BEND3: variants seen among roughly 807,000 people sequenced by gnomAD.
BEND3 encodes the protein BEN domain containing 3.
Under a neutral mutation model 60.1 loss-of-function variants are expected in BEND3, and 13 were observed. That is an observed-to-expected ratio of 0.22 (90% CI 0.14 to 0.34). BEND3 has a LOEUF of 0.34. Ranked by LOEUF, BEND3 falls within the 10% of genes least tolerant of loss-of-function variation. The pLI, the probability that BEND3 is intolerant of heterozygous loss-of-function variation, is 1.00. For missense variants in BEND3, 896 were observed against 1,138.1 expected (o/e 0.79, Z 3.06); for synonymous variants, 497 against 491.5 (o/e 1.01, Z -0.15).
intron 3 of BEND3, among the ~76,000 whole-genome samples, chr6:107,083,095 C>T (rs1188404167): frequency 6.6e-6 from 1 of 152,074 alleles, no homozygotes; most frequent in Non-Finnish European, 1.5e-5. Flanking sequence ...ATATCAATCA[C>T]AAAGGAAAAG....
intron 3 of BEND3, among the ~76,000 whole-genome samples, chr6:107,071,379 G>A (rs1305516747): frequency 6.8e-5 from 10 of 146,884 alleles, no homozygotes; most frequent in African/African-American, 2.4e-4. Context: ...CTGCTCTCAG[G>A]AAGGGACAGA....
In BEND3 at chr6:107,070,360, C is replaced by T. The variant is rs781955775; in HGVS notation, c.831G>A (p.Glu277=). The change falls in exon 4 of 4, where the codon GAG becomes GAA. Residue 277 remains glutamate (E), a synonymous_variant. Coordinates refer to ENST00000369042, the MANE Select transcript of BEND3 (RefSeq NM_001367314.1). The surrounding 1 kb of genome is among the most constrained non-coding windows in gnomAD (Gnocchi z 6.9). ...GGGAGAAGTCCACGTCGCTGAAGAG[C>T]TCGGGGAAGAGCTGCACCAGCAAGC... The part of the protein sequence containing the change: ...ACRLLVQLFP[E]LFSDVDFSRG... The T allele has an allele frequency of 5.6e-6, 9 of 1,613,526 alleles. No individual in the cohort carries two copies. The highest frequency in any genetic ancestry group is 3.3e-5 in the South Asian group (3 of 91,086).
chr6:107,073,191 GTA>G (rs1410021934), intron 3 of BEND3, among the ~76,000 whole-genome samples: 3 of 36,660 alleles, frequency 8.2e-5, no homozygotes, highest in Admixed American at 3.0e-4. Flanking sequence ...TTCAGGGTTT[GTA>G]TGTGTATGTA....
At chr6:107,092,017 G>C (rs879975026) in intron 3 of BEND3, among the ~76,000 whole-genome samples, 1 of 152,170 alleles carries the variant, frequency 6.6e-6, no homozygotes. Context: ...AGCACTTTGG[G>C]AGGCAGAGGT....
At chr6:107,107,947 G>A (rs1019191973) in intron 1 of BEND3, among the ~76,000 whole-genome samples, 4 of 152,314 alleles carry the variant, frequency 2.6e-5, no homozygotes, top group Admixed American at 1.3e-4. Context: ...CTCTGGTGCC[G>A]CGGGTCTCTG....
In BEND3 at chr6:107,070,036, G is replaced by C; in HGVS notation, c.1155C>G (p.Thr385=). ...EEALSLDRSS[T]IASDHVVDTQ... ...TGTCCACCACGTGGTCTGAGGCGAT[G>C]GTGCTGCTCCGGTCAAGAGACAGGG... The change falls in exon 4 of 4, where the codon ACC becomes ACG. Residue 385 remains threonine (T), a synonymous_variant. Transcript: ENST00000369042. The surrounding 1 kb of genome is among the most constrained non-coding windows in gnomAD (Gnocchi z 6.9). 1 of 1,613,828 alleles carries C rather than the reference G, an allele frequency of 6.2e-7. No individual in the cohort carries two copies. The highest frequency in any genetic ancestry group is 8.5e-7 in the Non-Finnish European group (1 of 1,180,034).
In BEND3 at chr6:107,068,938, G is replaced by C. The variant is rs1774890853; in HGVS notation, c.2253C>G (p.Leu751=). The C allele has an allele frequency of 3.1e-6, 5 of 1,613,986 alleles. No individual in the cohort carries two copies. Among genetic ancestry groups the C allele is most frequent in the Non-Finnish European group, 4.2e-6 (5 of 1,180,036 alleles). Reference sequence around the variant, plus strand: ...GCAGCCGGAGGTTCTCGGCGGTGAAGAGTTCGGGAAACAGGCGGACGAGGA... The same window carrying C: ...GCAGCCGGAGGTTCTCGGCGGTGAACAGTTCGGGAAACAGGCGGACGAGGA... ...ARLLVRLFPE[L]FTAENLRLQY... Residue 751 remains leucine (L), a synonymous_variant, in exon 4 of 4, where the codon CTC becomes CTG. Transcript: ENST00000369042. This position sits in a 1 kb window ranked among gnomAD's most constrained non-coding sequence, Gnocchi z 5.8.
intron 3 of BEND3, among the ~76,000 whole-genome samples, chr6:107,088,987 A>C (rs1775413661): frequency 6.6e-6 from 1 of 152,108 alleles, no homozygotes; most frequent in African/African-American, 2.4e-5. Context: ...CTCTACTAAA[A>C]ATACAAAACT....
In BEND3 at chr6:107,104,738, G is replaced by C. The variant is rs544470505; in HGVS notation, c.-11-5442C>G. ...GGCTGCAGTGCAGTGGTATGATCGT[G>C]TCTTACTGCAGCCTTAACCTCCTGG... On this transcript the variant is annotated intron_variant, in intron 1 of 3. Coordinates refer to ENST00000369042, the MANE Select transcript of BEND3 (RefSeq NM_001367314.1). 7.3e-5 allele frequency among the ~76,000 whole-genome samples: 11 copies of C among 151,148 alleles called. 1 individual carries two copies. In the South Asian group the frequency reaches 2.3e-3, roughly 32 times the overall value.
At position 107,068,697 on chromosome 6, in the gene BEND3, C is replaced by T. The variant is rs781827173; in HGVS notation, c.*7G>A. ...TGACCCCGAATCTCTGGGCAGGTCA[C>T]GGGCCTTCACTTCTCCACTTTCTTT... On this transcript the variant is annotated 3_prime_UTR_variant, in exon 4 of 4. Transcript: ENST00000369042. This position sits in a 1 kb window ranked among gnomAD's most constrained non-coding sequence, Gnocchi z 5.8. 3.0e-5 allele frequency: 49 copies of T among 1,609,378 alleles called. No individual in the cohort carries two copies. In the South Asian group the frequency reaches 3.7e-4, roughly 12 times the overall value.
rs1403705991 is a variant in BEND3 at position 107,069,571 on chromosome 6, C to T, written c.1620G>A (p.Glu540=). The part of the protein sequence containing the change: ...WLVPIDFDKL[E]IPQPDFEVPG... ...GCACCTCGAAGTCAGGCTGGGGGAT[C>T]TCTAACTTGTCGAAGTCGATGGGCA... The change falls in exon 4 of 4, where the codon GAG becomes GAA. Residue 540 remains glutamate (E), a synonymous_variant. Coordinates refer to ENST00000369042, the MANE Select transcript of BEND3 (RefSeq NM_001367314.1). The T allele has an allele frequency of 6.2e-7, 1 of 1,613,122 alleles. No homozygotes were observed. The highest frequency in any genetic ancestry group is 2.2e-5 in the East Asian group (1 of 44,880).
At position 107,091,497 on chromosome 6, in the gene BEND3, T is replaced by C. The variant is rs532190384; in HGVS notation, c.240+7054A>G. On this transcript the variant is annotated intron_variant, in intron 3 of 3. Coordinates refer to ENST00000369042, the MANE Select transcript of BEND3 (RefSeq NM_001367314.1). ...GATCCCACTACAGGCCCCATGGACATTGAAAGAATGATAAAGGAACACTAT... is the reference window on the plus strand; with the variant it reads ...GATCCCACTACAGGCCCCATGGACACTGAAAGAATGATAAAGGAACACTAT... Among the ~76,000 whole-genome samples the C allele has an allele frequency of 5.9e-4, 90 of 152,190 alleles. 1 individual carries two copies. The Middle Eastern group carries it at 0.01, about 17-fold the overall frequency.
At chr6:107,093,786 C>T (rs1775525170) in intron 3 of BEND3, among the ~76,000 whole-genome samples, 1 of 152,094 alleles carries the variant, frequency 6.6e-6, no homozygotes, top group South Asian at 2.1e-4. Context: ...AACTATAAAA[C>T]ACCTAGAAGA....
intron 1 of BEND3, chr6:107,114,487 C>T (rs1275811712): frequency 6.6e-6 from 1 of 151,642 alleles, no homozygotes; most frequent in Non-Finnish European, 1.5e-5. Flanking sequence ...CATTTGCAGC[C>T]TCCGGAGGCT....
chr6:107,087,285 C>G (rs311219), intron 3 of BEND3, among the ~76,000 whole-genome samples: 48,214 of 151,538 alleles, frequency 0.32, 7,869 homozygotes, highest in Admixed American at 0.39. Context: ...CGCCTCTGCA[C>G]TCCAGCCTGG....
chr6:107,108,249 G>A (rs73763721), intron 1 of BEND3, among the ~76,000 whole-genome samples: 2,434 of 152,252 alleles, frequency 0.016, 67 homozygotes, highest in African/African-American at 0.054. Flanking sequence ...GTGATTTGGC[G>A]TCTTAATCTT....
intron 1 of BEND3, among the ~76,000 whole-genome samples, chr6:107,101,985 A>G (rs1282946753): frequency 6.6e-6 from 1 of 152,216 alleles, no homozygotes; most frequent in Non-Finnish European, 1.5e-5. Flanking sequence ...TTTGGCAGAG[A>G]AAAGGCAGAG....
chr6:107,069,922 G>C lies in BEND3; in HGVS notation c.1269C>G (p.Phe423Leu), dbSNP rs782461575. 4 of 1,613,830 alleles carry C rather than the reference G, an allele frequency of 2.5e-6. No homozygotes were observed. Among genetic ancestry groups the C allele is most frequent in the Non-Finnish European group, 3.4e-6 (4 of 1,180,040 alleles). The change falls in exon 4 of 4, where the codon TTC becomes TTG. Residue 423 changes from phenylalanine (F) to leucine (L), a missense_variant. By Grantham distance (22) the Phe-to-Leu change is conservative. Coordinates refer to ENST00000369042, the MANE Select transcript of BEND3 (RefSeq NM_001367314.1). ...ACTGTTCACCCAGCTTGCGGTGGTC[G>C]AAGAGCTCGGGGAAGAGCCGGTGGA... ...FLLHRLFPELFDHRKLGEQYS... is the reference protein window; with the variant it reads ...FLLHRLFPELLDHRKLGEQYS...
intron 3 of BEND3, 62 bp downstream of exon 3, chr6:107,098,489 T>C (rs1775634147): frequency 1.3e-6 from 2 of 1,550,872 alleles, no homozygotes; most frequent in Admixed American, 1.7e-5. Flanking sequence ...AAGAGGGAGA[T>C]TCAGCATGGA....
Sources: allele counts gnomAD v4.1 joint callset (sites outside exome capture counted in the v4.1 genomes callset), GRCh38; gene constraint gnomAD v4.1.1; non-coding constraint Gnocchi (gnomAD v3.1); transcripts MANE v1.5; gene names NCBI Gene and HGNC (gene_info 2026-07-23, HGNC 2026-07-21).